The following KCTD16 variants were observed in gnomAD, a reference collection of about 807,000 sequenced individuals.
KCTD16 encodes the protein potassium channel tetramerization domain containing 16.
Under a neutral mutation model 33.2 loss-of-function variants are expected in KCTD16, and 13 were observed. That is an observed-to-expected ratio of 0.39 (90% CI 0.25 to 0.62). The LOEUF (loss-of-function observed/expected upper bound fraction) is 0.62. Ranked by LOEUF, KCTD16 falls within the 20% of genes least tolerant of loss-of-function variation. The probability of loss-of-function intolerance (pLI) is 0.50; values close to 1 mark genes in which losing one functional copy is unlikely to be tolerated. For synonymous variants in KCTD16, 197 were observed against 195.3 expected (o/e 1.01, Z -0.07); for missense variants, 441 against 525.1 (o/e 0.84, Z 1.57).
At chr5:144,342,046 T>A (rs1333407205) in intron 3 of KCTD16, among the ~76,000 whole-genome samples, 1 of 152,232 alleles carries the variant, frequency 6.6e-6, no homozygotes, top group African/African-American at 2.4e-5. Context: ...AAAAGTTTAG[T>A]TAGCAATGCG....
intron 3 of KCTD16, among the ~76,000 whole-genome samples, chr5:144,272,476 T>C (rs943242065): frequency 6.6e-6 from 1 of 152,012 alleles, no homozygotes; most frequent in Admixed American, 6.6e-5. Context: ...AAAATTCTTA[T>C]GGAATTTTAA....
chr5:144,355,290 G>A (rs1751546915), intron 3 of KCTD16, among the ~76,000 whole-genome samples: 1 of 151,996 alleles, frequency 6.6e-6, no homozygotes, highest in African/African-American at 2.4e-5. Context: ...ACAAAAATAT[G>A]AACAGCATCA....
intron 3 of KCTD16, among the ~76,000 whole-genome samples, chr5:144,343,239 A>T (rs1195227921): frequency 6.6e-6 from 1 of 152,202 alleles, no homozygotes; most frequent in Non-Finnish European, 1.5e-5. Context: ...GCTATTGATT[A>T]TTGCCACAAT....
intron 3 of KCTD16, chr5:144,439,497 C>T (rs1753652357): frequency 8.5e-6 from 2 of 233,924 alleles, no homozygotes; most frequent in Non-Finnish European, 1.7e-5. Flanking sequence ...AGTCACCTTC[C>T]AGCCTCGAGC....
intron 3 of KCTD16, among the ~76,000 whole-genome samples, chr5:144,267,633 C>G (rs954034327): frequency 2.0e-5 from 3 of 152,124 alleles, no homozygotes; most frequent in Non-Finnish European, 2.9e-5. Context: ...TAGGGGTCAA[C>G]ATTTTCTTTC....
intron 3 of KCTD16, among the ~76,000 whole-genome samples, chr5:144,323,639 C>T (rs1242956599): frequency 6.6e-6 from 1 of 152,170 alleles, no homozygotes; most frequent in Non-Finnish European, 1.5e-5. Flanking sequence ...AGTACAACCT[C>T]ATTGCACAAA....
At chr5:144,330,884 T>C (rs1336564975) in intron 3 of KCTD16, among the ~76,000 whole-genome samples, 2 of 152,182 alleles carry the variant, frequency 1.3e-5, no homozygotes, top group Non-Finnish European at 2.9e-5. Context: ...GCTGATGGTC[T>C]GGGATAGACA....
At position 144,479,608 on chromosome 5, in the gene KCTD16, T is replaced by G. The variant is rs916952032; in HGVS notation, c.*5494T>G. On this transcript the variant is annotated 3_prime_UTR_variant, in exon 4 of 4. Transcript: ENST00000512467. ...ACTGATGAACATGAGCAACTAATTA[T>G]GTTAAATTGGCCAAGATTAAAACAA... 2 of 151,882 alleles carry G rather than the reference T, an allele frequency of 1.3e-5. No individual in the cohort carries two copies. The highest frequency in any genetic ancestry group is 2.9e-5 in the Non-Finnish European group (2 of 67,900). The allele number at this position is 151,882 out of a possible 1,614,324, so 9.4% of individuals were successfully genotyped here. A position where few individuals can be genotyped will look rare whatever the true frequency, so the allele number is the denominator to read the frequency against.
intron 2 of KCTD16, among the ~76,000 whole-genome samples, chr5:144,205,014 T>C (rs1753128912): frequency 4.0e-5 from 6 of 151,388 alleles, no homozygotes; most frequent in Admixed American, 3.9e-4. Flanking sequence ...GGGGGGAAGA[T>C]CTGTAGATTT....
intron 3 of KCTD16, among the ~76,000 whole-genome samples, chr5:144,366,909 G>T (rs1751849841): frequency 1.3e-5 from 2 of 152,172 alleles, no homozygotes. Context: ...GATCCTTTTA[G>T]CCCTGGCCAT....
chr5:144,275,924 A>G (rs1288467690), intron 3 of KCTD16, among the ~76,000 whole-genome samples: 1 of 152,162 alleles, frequency 6.6e-6, no homozygotes. Flanking sequence ...CTTTCTTGAC[A>G]AGGTTGGGTA....
chr5:144,209,639 A>G (rs1753303308), intron 3 of KCTD16, among the ~76,000 whole-genome samples: 2 of 151,792 alleles, frequency 1.3e-5, no homozygotes, highest in Admixed American at 1.3e-4. Flanking sequence ...AGAAGCTGCC[A>G]ACTGTGCCTA....
At chr5:144,442,473 C>CTTTCTTTCTTTCTTTA (rs1753734468) in intron 3 of KCTD16, among the ~76,000 whole-genome samples, 1 of 151,198 alleles carries the variant, frequency 6.6e-6, no homozygotes, top group Admixed American at 6.6e-5. Flanking sequence ...TTCTTTCTTT[C>CTTTCTTTCTTTCTTTA]TTTCTGTCGT....
chr5:144,260,745 G>T (rs866576972), intron 3 of KCTD16, among the ~76,000 whole-genome samples: 43 of 133,206 alleles, frequency 3.2e-4, no homozygotes, highest in South Asian at 2.2e-3. Flanking sequence ...TGTTTTTTTT[G>T]TTGTTGTTGT....
chr5:144,468,555 C>T (rs1754399794), intron 3 of KCTD16, among the ~76,000 whole-genome samples: 1 of 152,216 alleles, frequency 6.6e-6, no homozygotes, highest in African/African-American at 2.4e-5. Flanking sequence ...CAGAAGCTCT[C>T]ATAGCCTGCC....
Position 144,207,089 on chromosome 5 carries a change from T to G in KCTD16, c.375T>G (p.Asp125Glu), listed in dbSNP as rs760940703. The G allele has an allele frequency of 1.2e-6, 2 of 1,611,518 alleles. No individual in the cohort carries two copies. The highest frequency in any genetic ancestry group is 1.7e-6 in the Non-Finnish European group (2 of 1,178,962). The change falls in exon 3 of 4, where the codon GAT becomes GAG. Residue 125 changes from aspartate (D) to glutamate (E), a missense_variant. Transcript: ENST00000512467. Reference sequence around the variant, plus strand: ...ACTTGGTCAAACTCCTGACCCCCGATGAAATCAAGCAAAGCCCAGATGAAT... The same window carrying G: ...ACTTGGTCAAACTCCTGACCCCCGAGGAAATCAAGCAAAGCCCAGATGAAT... ...LPDLVKLLTP[D>E]EIKQSPDEFC...
chr5:144,456,542 G>A (rs934533771), intron 3 of KCTD16, among the ~76,000 whole-genome samples: 3 of 152,130 alleles, frequency 2.0e-5, no homozygotes, highest in Non-Finnish European at 4.4e-5. Context: ...CCATCTGACA[G>A]TGCAATTTGA....
intron 3 of KCTD16, among the ~76,000 whole-genome samples, chr5:144,445,109 A>T (rs1659512237): frequency 6.6e-6 from 1 of 151,678 alleles, no homozygotes; most frequent in African/African-American, 2.4e-5. Context: ...AAATATATGA[A>T]ATTTTTTGGC....
chr5:144,386,939 A>G (rs1752336684), intron 3 of KCTD16, among the ~76,000 whole-genome samples: 1 of 151,978 alleles, frequency 6.6e-6, no homozygotes, highest in African/African-American at 2.4e-5. Context: ...CAACTAAAAT[A>G]GCTTACATCT....
Sources: allele counts gnomAD v4.1 joint callset (sites outside exome capture counted in the v4.1 genomes callset), GRCh38; gene constraint gnomAD v4.1.1; transcripts MANE v1.5; gene names NCBI Gene and HGNC (gene_info 2026-07-23, HGNC 2026-07-21).